The following FAM13C variants were observed in gnomAD, a reference collection of about 807,000 sequenced individuals.
FAM13C encodes the protein protein FAM13C.
In FAM13C, 37 loss-of-function variants were observed where a neutral mutation model predicts 73.2. The ratio of observed to expected loss-of-function variants is 0.51; its 90% CI spans 0.39 to 0.67. The LOEUF is 0.67. FAM13C is among the 30% of genes least tolerant of loss of function. The probability of loss-of-function intolerance (pLI) is 0.00; values close to 1 mark genes in which losing one functional copy is unlikely to be tolerated. For missense variants in FAM13C, 589 were observed against 715.6 expected, an observed-to-expected ratio of 0.82 and a Z score of 2.02; for synonymous variants, 246 against 260.9, an observed-to-expected ratio of 0.94 and a Z score of 0.55.
chr10:59,261,973 C>CA (rs1005034725), intron 10 of FAM13C, among the ~76,000 whole-genome samples: 1 of 151,976 alleles, frequency 6.6e-6, no homozygotes, highest in African/African-American at 2.4e-5. Flanking sequence ...TTAACTCTCC[C>CA]AAAAAACTCT....
intron 2 of FAM13C, among the ~76,000 whole-genome samples, chr10:59,354,891 G>T (rs558672078): frequency 6.6e-6 from 1 of 151,806 alleles, no homozygotes; most frequent in Non-Finnish European, 1.5e-5. Context: ...TGAACCACTT[G>T]CTGTTCCTGC....
In FAM13C at chr10:59,247,363, T is replaced by C. The variant is rs1355970827; in HGVS notation, c.*251A>G. 1 of 461,058 alleles carries C rather than the reference T, an allele frequency of 2.2e-6. No individual in the cohort carries two copies. Among genetic ancestry groups the C allele is most frequent in the Non-Finnish European group, 3.8e-6 (1 of 261,860 alleles). 28.6% of individuals were successfully genotyped at this position (461,058 alleles called of 1,614,324 possible). A position where few individuals can be genotyped will look rare whatever the true frequency, so the allele number is the denominator to read the frequency against. On this transcript the variant is annotated 3_prime_UTR_variant, in exon 14 of 14. Coordinates refer to ENST00000618804, the MANE Select transcript of FAM13C (RefSeq NM_198215.4). ...TTTTTAAAAATACTTGTATTGACTA[T>C]GAGTTTTCTGCTTGGCATGGAGGAC... is the stretch of plus-strand genomic sequence containing the variant.
intron 4 of FAM13C, among the ~76,000 whole-genome samples, chr10:59,313,613 T>C (rs1849192837): frequency 6.6e-6 from 1 of 152,134 alleles, no homozygotes; most frequent in Non-Finnish European, 1.5e-5. Flanking sequence ...TCAGTTGAGA[T>C]TGAGTTGGGA....
At chr10:59,275,361 G>A (rs573252679) in intron 6 of FAM13C, among the ~76,000 whole-genome samples, 7 of 152,260 alleles carry the variant, frequency 4.6e-5, no homozygotes, top group Admixed American at 6.5e-5. Flanking sequence ...CAAGGAACTC[G>A]AAGAGACAGG....
chr10:59,293,493 A>T (rs908469767), intron 5 of FAM13C, among the ~76,000 whole-genome samples: 5 of 152,174 alleles, frequency 3.3e-5, no homozygotes, highest in Non-Finnish European at 7.3e-5. Context: ...GCTGTAAATG[A>T]CAATATTTCA....
At chr10:59,362,584 G>T (rs977441652), upstream of FAM13C, 4 of 1,528,216 alleles carry the variant, frequency 2.6e-6, no homozygotes, top group African/African-American at 5.5e-5. Context: ...ACCTTGGGCT[G>T]CTGTCTGCAC....
chr10:59,304,867 G>T (rs1314780818), intron 4 of FAM13C, among the ~76,000 whole-genome samples: 7 of 146,250 alleles, frequency 4.8e-5, no homozygotes, highest in Admixed American at 6.8e-5. Context: ...AAGGGAAAGG[G>T]AGGGCATTTG....
At chr10:59,265,269 A>C (rs1842901282) in intron 8 of FAM13C, among the ~76,000 whole-genome samples, 1 of 132,424 alleles carries the variant, frequency 7.6e-6, no homozygotes, top group Admixed American at 8.6e-5. Flanking sequence ...AAGAGCTTGA[A>C]TAGCAGACTG....
rs1841386128 is a variant in FAM13C at position 59,251,631 on chromosome 10, C to A, written c.1578G>T (p.Lys526Asn). 1.9e-6 allele frequency: 3 copies of A among 1,613,404 alleles called. No individual in the cohort carries two copies. In the African/African-American group the frequency reaches 4.0e-5, roughly 22 times the overall value. The stretch of plus-strand genomic sequence containing the variant: ...ATTCTCTTAAGGCTTTCCGCAGTCT[C>A]TTCTTGTCAGCCCTAGTTTCTCGGA... ...DHLRETRADK[K>N]RLRKALREFE... The change falls in exon 13 of 14, where the codon AAG becomes AAT. Residue 526 changes from lysine to asparagine, a missense_variant. By Grantham distance (94) the Lys-to-Asn change is moderately conservative. Coordinates refer to ENST00000618804, the MANE Select transcript of FAM13C (RefSeq NM_198215.4).
chr10:59,259,034 C>T (rs1842217318), intron 10 of FAM13C, among the ~76,000 whole-genome samples: 1 of 151,968 alleles, frequency 6.6e-6, no homozygotes, highest in Non-Finnish European at 1.5e-5. Flanking sequence ...TCAGTATTTC[C>T]AAAAGAAAAG....
rs544129119 is a variant in FAM13C, at chr10:59,321,715, C to T, written c.443+2273G>A. 4.9e-4 allele frequency among the ~76,000 whole-genome samples: 74 copies of T among 152,028 alleles called. 1 individual carries two copies. The highest frequency in any genetic ancestry group is 1.7e-3 in the African/African-American group (69 of 41,486). On this transcript the variant is annotated intron_variant, in intron 4 of 13. Coordinates refer to ENST00000618804, the MANE Select transcript of FAM13C (RefSeq NM_198215.4). ...TGTAGGTATGAAATTATTTGGCATT[C>T]GTGAAAAGATCAATGCCCATCTCAT... is the stretch of plus-strand genomic sequence containing the variant.
intron 1 of FAM13C, chr10:59,361,019 G>A (rs964007341): frequency 8.5e-6 from 11 of 1,288,894 alleles, no homozygotes; most frequent in African/African-American, 1.5e-5. Context: ...AGGGAGGAGA[G>A]CAGTACCTGT....
At chr10:59,251,213 G>A in intron 13 of FAM13C, 1 of 333,508 alleles carries the variant, frequency 3.0e-6, no homozygotes, top group Non-Finnish European at 5.3e-6. Flanking sequence ...GGAGTAACTT[G>A]TGGAACTAAG....
intron 4 of FAM13C, among the ~76,000 whole-genome samples, chr10:59,312,577 T>C (rs1309256675): frequency 6.6e-6 from 1 of 152,180 alleles, no homozygotes; most frequent in Non-Finnish European, 1.5e-5. Context: ...AGTGGTTTTC[T>C]TCTAGACTTA....
At position 59,265,335 on chromosome 10, in the gene FAM13C, G is replaced by GGGGGGGA. The variant is rs78422182; in HGVS notation, c.943-1170_943-1169insTCCCCCC. 6.6e-3 allele frequency among the ~76,000 whole-genome samples: 106 copies of GGGGGGGA among 16,002 alleles called. 9 individuals carry two copies. The highest frequency in any genetic ancestry group is 0.012 in the Admixed American group (9 of 740). 10.5% of individuals were successfully genotyped at this position (16,002 alleles called of 152,430 possible). ...AAGGGGTTTTGGCGGGGGGGGGGGGGAATCCTGGTTTCAGGACCATGGACA... is the reference window on the plus strand; with the variant it reads ...AAGGGGTTTTGGCGGGGGGGGGGGGGGGGGGGAAATCCTGGTTTCAGGACCATGGACA... On this transcript the variant is annotated intron_variant, in intron 8 of 13. Coordinates refer to ENST00000618804, the MANE Select transcript of FAM13C (RefSeq NM_198215.4).
At chr10:59,274,968 T>A (rs1225327840) in intron 6 of FAM13C, among the ~76,000 whole-genome samples, 1 of 152,168 alleles carries the variant, frequency 6.6e-6, no homozygotes, top group Non-Finnish European at 1.5e-5. Context: ...GGGTGCTGGA[T>A]GCTTATCATT....
intron 5 of FAM13C, among the ~76,000 whole-genome samples, chr10:59,290,617 C>A (rs980845071): frequency 2.6e-5 from 4 of 152,178 alleles, no homozygotes; most frequent in African/African-American, 4.8e-5. Context: ...AATTATTGAG[C>A]CAGTTCTGAT....
chr10:59,287,336 CAAAAAAAAAAAAA>C (rs58759332), intron 5 of FAM13C, among the ~76,000 whole-genome samples: 4 of 73,808 alleles, frequency 5.4e-5, no homozygotes, highest in Non-Finnish European at 9.2e-5. Flanking sequence ...GACTCTGTCT[CAAAAAAAAAAAAA>C]AAAAAAAAAA....
At chr10:59,272,999 C>T (rs1473387932) in intron 6 of FAM13C, among the ~76,000 whole-genome samples, 3 of 152,098 alleles carry the variant, frequency 2.0e-5, no homozygotes, top group Non-Finnish European at 1.5e-5. Context: ...TAACAAGATA[C>T]TGTAATAAAA....
Sources: gnomAD v4.1 joint callset for allele counts (sites outside exome capture counted in the v4.1 genomes callset) on GRCh38, gnomAD v4.1.1 for gene constraint, MANE v1.5 for transcripts, NCBI Gene and HGNC (gene_info 2026-07-23, HGNC 2026-07-21) for gene names.